The following PDS5A variants were observed in gnomAD, a reference collection of about 807,000 sequenced individuals.
PDS5A encodes the protein sister chromatid cohesion protein PDS5 homolog A.
PDS5A carries 42 observed loss-of-function variants against 167.1 expected under a neutral mutation model. The observed-to-expected ratio is 0.25, with a 90% CI of 0.20 to 0.33. The LOEUF (loss-of-function observed/expected upper bound fraction) is 0.33. Ranked by LOEUF, PDS5A falls within the 10% of genes least tolerant of loss-of-function variation. PDS5A has a pLI of 1.00. For missense variants in PDS5A, 1,033 were observed against 1,605.9 expected, an observed-to-expected ratio of 0.64 and a Z score of 6.10; for synonymous variants, 553 against 554.6, an observed-to-expected ratio of 1.00 and a Z score of 0.04.
intron 26 of PDS5A, among the ~76,000 whole-genome samples, chr4:39,852,383 G>A (rs139036329): frequency 2.0e-3 from 306 of 152,122 alleles, no homozygotes; most frequent in African/African-American, 7.1e-3. Context: ...CCCATCCTAC[G>A]AAGTACACAG....
At chr4:39,851,137 A>T (rs1560426557) in intron 26 of PDS5A, among the ~76,000 whole-genome samples, 1 of 152,226 alleles carries the variant, frequency 6.6e-6, no homozygotes, top group Non-Finnish European at 1.5e-5. Flanking sequence ...AAAGAAAGGA[A>T]CAGAATAATG....
intron 28 of PDS5A, chr4:39,847,357 G>A (rs562092360): frequency 1.3e-5 from 2 of 152,268 alleles, no homozygotes; most frequent in Non-Finnish European, 2.9e-5. Context: ...TGCAATCCCA[G>A]CACTTTGGGA....
chr4:39,831,652 C>T (rs541949167), intron 32 of PDS5A, among the ~76,000 whole-genome samples: 286 of 151,196 alleles, frequency 1.9e-3, no homozygotes, highest in Middle Eastern at 3.4e-3. Flanking sequence ...CCAAGGTGGG[C>T]GGATCACCTG....
intron 32 of PDS5A, among the ~76,000 whole-genome samples, chr4:39,832,499 T>G (rs28792738): frequency 0.48 from 73,546 of 151,720 alleles, 17,997 homozygotes; most frequent in East Asian, 0.66. Context: ...GAGCCACCGT[T>G]CCTGGCTCAA....
At chr4:39,861,624 C>T (rs186547743) in intron 26 of PDS5A, among the ~76,000 whole-genome samples, 85 of 152,280 alleles carry the variant, frequency 5.6e-4, no homozygotes, top group African/African-American at 1.9e-3. Context: ...GACAGGGTCT[C>T]GTTCTATCAC....
chr4:39,955,464 G>T (rs1287316207), intron 2 of PDS5A, among the ~76,000 whole-genome samples: 1 of 151,908 alleles, frequency 6.6e-6, no homozygotes, highest in African/African-American at 2.4e-5. Context: ...TTACCCAGGT[G>T]TCGTGGCGGA....
intron 32 of PDS5A, among the ~76,000 whole-genome samples, chr4:39,834,424 C>T (rs1185268141): frequency 4.6e-5 from 7 of 152,136 alleles, no homozygotes; most frequent in Admixed American, 3.3e-4. Context: ...AGTCCTCCTC[C>T]ACCATGACAA....
At chr4:39,844,556 C>T (rs1425227286) in intron 30 of PDS5A, 100 bp downstream of exon 30, 19 of 809,654 alleles carry the variant, frequency 2.3e-5, no homozygotes, top group South Asian at 3.8e-5. Flanking sequence ...ACCAGAACAC[C>T]GCTAATGACA....
chr4:39,960,694 A>AT (rs1275361448), intron 2 of PDS5A, among the ~76,000 whole-genome samples: 3 of 141,434 alleles, frequency 2.1e-5, no homozygotes, highest in African/African-American at 4.9e-5. Context: ...ATACAAAGCT[A>AT]ATTTTTTTTT....
chr4:39,957,601 C>T (rs948753635), intron 2 of PDS5A, among the ~76,000 whole-genome samples: 7 of 151,798 alleles, frequency 4.6e-5, no homozygotes, highest in Non-Finnish European at 1.0e-4. Context: ...CTGGCTAACA[C>T]GGTGAAACCC....
chr4:39,943,123 TACACACACACACACAC>T (rs35361618), intron 2 of PDS5A, among the ~76,000 whole-genome samples: 3,088 of 144,920 alleles, frequency 0.021, 45 homozygotes, highest in African/African-American at 0.039. Context: ...ACTATGCAAA[TACACACACACACACAC>T]ACACACACAC....
chr4:39,923,994 C>G (rs751896704), intron 5 of PDS5A, among the ~76,000 whole-genome samples: 1 of 152,074 alleles, frequency 6.6e-6, no homozygotes, highest in Non-Finnish European at 1.5e-5. Flanking sequence ...CCTAGTACCT[C>G]CTAAAGAATT....
chr4:39,971,185 G>C (rs1249688947), intron 2 of PDS5A, among the ~76,000 whole-genome samples: 1 of 151,986 alleles, frequency 6.6e-6, no homozygotes, highest in African/African-American at 2.4e-5. Context: ...TCGAGACAGA[G>C]TCGCGCTTTG....
intron 22 of PDS5A, 79 bp from the exon 23 acceptor site, chr4:39,867,076 TGAGA>T: frequency 3.5e-6 from 4 of 1,138,310 alleles, no homozygotes; most frequent in Non-Finnish European, 3.7e-6. Flanking sequence ...ATTAGATTAA[TGAGA>T]TTACTCATCT....
At chr4:39,895,490 C>T (rs1240449343) in intron 16 of PDS5A, among the ~76,000 whole-genome samples, 4 of 152,044 alleles carry the variant, frequency 2.6e-5, no homozygotes, top group African/African-American at 9.7e-5. Context: ...ACATATAGAG[C>T]ACTTACCATA....
intron 16 of PDS5A, 199 bp downstream of exon 16, chr4:39,898,190 C>A: frequency 1.6e-6 from 2 of 1,262,116 alleles, no homozygotes; most frequent in Admixed American, 3.9e-5. Context: ...TGGCTTAGTT[C>A]TTTAGTTATT....
At chr4:39,832,042 C>A (rs919576667) in intron 32 of PDS5A, among the ~76,000 whole-genome samples, 1 of 145,756 alleles carries the variant, frequency 6.9e-6, no homozygotes, top group Non-Finnish European at 1.5e-5. Flanking sequence ...TGAATGAACC[C>A]GGGAGGCAGA....
At chr4:39,945,977 G>GT (rs560862141) in intron 2 of PDS5A, among the ~76,000 whole-genome samples, 1 of 149,830 alleles carries the variant, frequency 6.7e-6, no homozygotes, top group African/African-American at 2.4e-5. Flanking sequence ...CGTGGAGGGA[G>GT]GGGGGGATCA....
At chr4:39,900,968 T>C (rs181750153) in intron 13 of PDS5A, among the ~76,000 whole-genome samples, 1 of 152,312 alleles carries the variant, frequency 6.6e-6, no homozygotes, top group East Asian at 1.9e-4. Context: ...TATAGACTAT[T>C]TTGAAAAATG....
Sources: allele counts gnomAD v4.1 joint callset (sites outside exome capture counted in the v4.1 genomes callset), GRCh38; gene constraint gnomAD v4.1.1; transcripts MANE v1.5; gene names NCBI Gene and HGNC (gene_info 2026-07-23, HGNC 2026-07-21).